The following SMYD3 variants were observed in gnomAD, a reference collection of about 807,000 sequenced individuals.
SMYD3 encodes the protein histone-lysine N-methyltransferase SMYD3.
Under a neutral mutation model 57.7 loss-of-function variants are expected in SMYD3, and 36 were observed. The observed-to-expected ratio is 0.62, with a 90% CI of 0.48 to 0.82. The LOEUF (loss-of-function observed/expected upper bound fraction) is 0.82, where lower values mean the gene tolerates loss of function less well. SMYD3 is among the 40% of genes least tolerant of loss of function. The probability of loss-of-function intolerance (pLI) is 0.00; values close to 1 mark genes in which losing one functional copy is unlikely to be tolerated. For missense variants in SMYD3, 515 were observed against 538.8 expected (o/e 0.96, Z 0.44); for synonymous variants, 211 against 195.0 (o/e 1.08, Z -0.68).
intron 10 of SMYD3, among the ~76,000 whole-genome samples, chr1:245,836,908 T>A (rs1341320188): frequency 6.6e-6 from 1 of 152,222 alleles, no homozygotes; most frequent in Non-Finnish European, 1.5e-5. Flanking sequence ...AACCAGGGCA[T>A]CAAACAGATG....
At chr1:246,313,732 A>G (rs1243290512) in intron 5 of SMYD3, among the ~76,000 whole-genome samples, 1 of 152,232 alleles carries the variant, frequency 6.6e-6, no homozygotes, top group Non-Finnish European at 1.5e-5. Flanking sequence ...TATAAATGTT[A>G]AGGTCAAATA....
chr1:245,836,224 G>A lies in SMYD3; in HGVS notation c.1076+22272C>T, dbSNP rs550222198. ...AAGCAGGAGCTTGAAGAGGATGAGA[G>A]AAAATGAAGCCAGTGCTATGATACA... On this transcript the variant is annotated intron_variant, in intron 10 of 11. Transcript: ENST00000490107. Among the ~76,000 whole-genome samples, 4 of 152,362 alleles carry A rather than the reference G, an allele frequency of 2.6e-5. No homozygotes were observed. In the South Asian group the frequency reaches 8.3e-4, roughly 32 times the overall value.
chr1:245,939,475 T>A (rs985445934), intron 5 of SMYD3, among the ~76,000 whole-genome samples: 32 of 151,860 alleles, frequency 2.1e-4, no homozygotes, highest in Admixed American at 1.8e-3. Flanking sequence ...ATACAAAAAA[T>A]TAGCTAGGCA....
intron 10 of SMYD3, among the ~76,000 whole-genome samples, chr1:245,786,313 G>A (rs1434908489): frequency 6.6e-6 from 1 of 151,724 alleles, no homozygotes. Flanking sequence ...CCTAATAAAT[G>A]TAAGTACAGT....
At chr1:245,776,222 G>A (rs1049240631) in intron 10 of SMYD3, among the ~76,000 whole-genome samples, 8 of 152,092 alleles carry the variant, frequency 5.3e-5, no homozygotes, top group African/African-American at 1.7e-4. Context: ...TTAATGTTCT[G>A]TTTAATGTAA....
chr1:245,820,763 A>G (rs1243608271), intron 10 of SMYD3, among the ~76,000 whole-genome samples: 2 of 151,030 alleles, frequency 1.3e-5, no homozygotes, highest in East Asian at 2.0e-4. Flanking sequence ...AGACAAACAG[A>G]GAGCCAAATC....
At chr1:245,988,696 A>C (rs1392430951) in intron 5 of SMYD3, 1 of 152,254 alleles carries the variant, frequency 6.6e-6, no homozygotes, top group Non-Finnish European at 1.5e-5. Context: ...CCCCCTTGCC[A>C]CAGCCATAGG....
At chr1:246,406,090 G>A (rs1344863853) in intron 1 of SMYD3, among the ~76,000 whole-genome samples, 4 of 151,256 alleles carry the variant, frequency 2.6e-5, no homozygotes, top group African/African-American at 9.7e-5. Context: ...AGGTTAAAAT[G>A]GGATTTTTTT....
intron 5 of SMYD3, among the ~76,000 whole-genome samples, chr1:246,196,024 G>C (rs1225567005): frequency 6.6e-6 from 1 of 152,018 alleles, no homozygotes; most frequent in African/African-American, 2.4e-5. Flanking sequence ...CAATTTTACT[G>C]TCACTTCTTT....
intron 5 of SMYD3, among the ~76,000 whole-genome samples, chr1:246,063,846 C>T (rs1255481446): frequency 6.6e-6 from 1 of 152,042 alleles, no homozygotes; most frequent in East Asian, 1.9e-4. Flanking sequence ...TGCTATGTTC[C>T]CTACGCCAGT....
At chr1:245,896,914 CAAAA>C (rs1199968829) in intron 8 of SMYD3, among the ~76,000 whole-genome samples, 2 of 151,946 alleles carry the variant, frequency 1.3e-5, no homozygotes, top group Non-Finnish European at 2.9e-5. Context: ...AAGAACAAAA[CAAAA>C]AAACTGTCCA....
intron 1 of SMYD3, among the ~76,000 whole-genome samples, chr1:246,418,682 A>T (rs1379029156): frequency 6.6e-6 from 1 of 152,076 alleles, no homozygotes; most frequent in Admixed American, 6.5e-5. Context: ...CCAGAAGGGA[A>T]ATGGTTTTCT....
rs144967536 is a variant in SMYD3, at chr1:245,775,730, AT to A, written c.1077-11582del. 4.4e-5 allele frequency among the ~76,000 whole-genome samples: 6 copies of A among 135,542 alleles called. No individual in the cohort carries two copies. The East Asian group carries it at 8.7e-4, about 20-fold the overall frequency. 88.9% of individuals were successfully genotyped at this position (135,542 alleles called of 152,430 possible). ...CAATAAATACTAAAAAAAAAAAAAAATAAAAAAAATAAATGGATAAATTGTA... is the reference window on the plus strand; with the variant it reads ...CAATAAATACTAAAAAAAAAAAAAAAAAAAAAAATAAATGGATAAATTGTA... On this transcript the variant is annotated intron_variant, in intron 10 of 11. Transcript: ENST00000490107.
At chr1:246,006,790 A>G (rs991437104) in intron 5 of SMYD3, among the ~76,000 whole-genome samples, 11 of 152,144 alleles carry the variant, frequency 7.2e-5, no homozygotes, top group African/African-American at 2.7e-4. Flanking sequence ...CAGCTATATT[A>G]ACTGTGCTTA....
intron 1 of SMYD3, among the ~76,000 whole-genome samples, chr1:246,398,847 G>T (rs1428945054): frequency 2.0e-5 from 3 of 152,092 alleles, no homozygotes; most frequent in Admixed American, 6.5e-5. Flanking sequence ...TCTGACAAGA[G>T]CTATATAAAA....
At chr1:246,347,562 T>C (rs1437537632) in intron 2 of SMYD3, among the ~76,000 whole-genome samples, 5 of 152,232 alleles carry the variant, frequency 3.3e-5, no homozygotes, top group African/African-American at 1.2e-4. Context: ...TTTGAAGGTC[T>C]GTACCCTCCA....
chr1:245,812,700 C>CAAAAAAAAAAAAAAAAAAAAAAAAA (rs201426225), intron 10 of SMYD3, among the ~76,000 whole-genome samples: 1 of 46,574 alleles, frequency 2.1e-5, no homozygotes, highest in African/African-American at 5.6e-5. Context: ...AACAACAGTT[C>CAAAAAAAAAAAAAAAAAAAAAAAAA]CAAAAAAAAA....
At chr1:246,317,096 T>C (rs1191256399) in intron 5 of SMYD3, among the ~76,000 whole-genome samples, 2 of 152,124 alleles carry the variant, frequency 1.3e-5, no homozygotes, top group African/African-American at 2.4e-5. Context: ...TTTTTCTATT[T>C]TATAATTTCT....
intron 10 of SMYD3, chr1:245,814,397 C>A (rs1326223871): frequency 2.0e-6 from 2 of 984,476 alleles, no homozygotes. Flanking sequence ...AAAGAAGATT[C>A]TTTCCTGGTC....
Sources: allele counts gnomAD v4.1 joint callset (sites outside exome capture counted in the v4.1 genomes callset), GRCh38; gene constraint gnomAD v4.1.1; transcripts MANE v1.5; gene names NCBI Gene and HGNC (gene_info 2026-07-23, HGNC 2026-07-21).